HAVCR2: variants seen among roughly 807,000 people sequenced by gnomAD.
HAVCR2 encodes the protein T cell immunoglobulin mucin 3.
HAVCR2 carries 13 observed loss-of-function variants against 24.7 expected under a neutral mutation model. That is an observed-to-expected ratio of 0.53 (90% confidence interval 0.34 to 0.84). The LOEUF (loss-of-function observed/expected upper bound fraction) is 0.84, where lower values mean the gene tolerates loss of function less well. Among genes scored for constraint, HAVCR2 ranks in the 40% least tolerant of loss-of-function variants. The pLI, the probability that HAVCR2 is intolerant of heterozygous loss-of-function variation, is 0.01. For missense variants in HAVCR2, 343 were observed against 371.2 expected (o/e 0.92, Z 0.62); for synonymous variants, 154 against 143.4 (o/e 1.07, Z -0.53).
intron 5 of HAVCR2, among the ~76,000 whole-genome samples, chr5:157,092,316 G>C (rs1367591693): frequency 3.3e-5 from 5 of 152,008 alleles, no homozygotes; most frequent in Admixed American, 3.3e-4. Context: ...CTCAAGTGAG[G>C]CTAAGTGCAA....
intron 6 of HAVCR2, 39 bp downstream of exon 6, chr5:157,088,902 G>T: frequency 1.3e-6 from 2 of 1,572,416 alleles, no homozygotes; most frequent in Non-Finnish European, 1.7e-6. Flanking sequence ...GGACTTCCAA[G>T]ATTCTCACCT....
chr5:157,092,878 CAAA>C (rs556443053), intron 5 of HAVCR2, among the ~76,000 whole-genome samples: 1 of 44,038 alleles, frequency 2.3e-5, no homozygotes, highest in African/African-American at 8.2e-5. Context: ...CTGTCTCTAC[CAAA>C]AAAAAAAAAA....
Position 157,088,931 on chromosome 5 carries a change from T to G in HAVCR2, c.713+10A>C. ...CTCACCTTTTCCCAACCCCATTCCA[T>G]TATTCTTACCTTAAATTCTGTATCT... On this transcript the variant is annotated intron_variant, in intron 6 of 6. Transcript: ENST00000307851. The G allele has an allele frequency of 6.2e-7, 1 of 1,608,278 alleles. No individual in the cohort carries two copies. Among genetic ancestry groups the G allele is most frequent in the South Asian group, 1.1e-5 (1 of 90,364 alleles).
At chr5:157,099,578 T>C (rs1757141796) in intron 3 of HAVCR2, among the ~76,000 whole-genome samples, 1 of 151,652 alleles carries the variant, frequency 6.6e-6, no homozygotes. Flanking sequence ...AATTAGATTT[T>C]AAAAGACAAC....
chr5:157,088,807 C>G, intron 6 of HAVCR2, 134 bp downstream of exon 6: 1 of 755,652 alleles, frequency 1.3e-6, no homozygotes, highest in Non-Finnish European at 2.3e-6. Flanking sequence ...CATAACTAGA[C>G]CTAGAGAAAG....
chr5:157,104,820 G>A lies in HAVCR2; in HGVS notation c.395-71C>T, dbSNP rs1757222527. 6.3e-6 allele frequency: 7 copies of A among 1,110,224 alleles called. No homozygotes were observed. In the Admixed American group the frequency reaches 6.8e-5, roughly 11 times the overall value. 68.8% of individuals were successfully genotyped at this position (1,110,224 alleles called of 1,614,324 possible). A position where few individuals can be genotyped will look rare whatever the true frequency, so the allele number is the denominator to read the frequency against. ...AAGCTTATTTCAGGGAATCAAAGGG[G>A]CAGCAAGAAAAAAATGCGAAAGACA... is the stretch of plus-strand genomic sequence containing the variant. On this transcript the variant is annotated intron_variant, in intron 2 of 6. Transcript: ENST00000307851.
intron 2 of HAVCR2, 27 bp downstream of exon 2, chr5:157,106,600 A>G: frequency 6.5e-7 from 1 of 1,547,256 alleles, no homozygotes; most frequent in Non-Finnish European, 8.9e-7. Flanking sequence ...TCTTATTCAT[A>G]AAGATGGCAT....
At position 157,089,020 on chromosome 5, in the gene HAVCR2, A is replaced by G. The variant is rs767809450; in HGVS notation, c.677-43T>C. ...AAAGCCAATAAAAATGCATTCATAA[A>G]ATAAATGAGACAAGAAATCAAATAG... On this transcript the variant is annotated intron_variant, in intron 5 of 6. Coordinates refer to ENST00000307851, the MANE Select transcript of HAVCR2 (RefSeq NM_032782.5). 20 of 1,541,868 alleles carry G rather than the reference A, an allele frequency of 1.3e-5. No individual in the cohort carries two copies. The South Asian group carries it at 1.9e-4, about 14-fold the overall frequency.
intron 3 of HAVCR2, among the ~76,000 whole-genome samples, chr5:157,103,387 A>G (rs955403918): frequency 5.3e-5 from 8 of 151,840 alleles, no homozygotes; most frequent in African/African-American, 1.7e-4. Context: ...AAAAAAAAAA[A>G]AAAGTACTGA....
intron 5 of HAVCR2, among the ~76,000 whole-genome samples, chr5:157,092,865 A>C: frequency 7.5e-6 from 1 of 132,960 alleles, no homozygotes; most frequent in Admixed American, 8.2e-5. Context: ...ACATGGCAAA[A>C]CCCTGTCTCT....
rs184566586 is a variant in HAVCR2, at chr5:157,088,847, C to T, written c.713+94G>A. ...AAGTATAAACTCAGATCTCAAAGCC[C>T]CAGGACAGGATTTCTCAGAGAAAAG... On this transcript the variant is annotated intron_variant, in intron 6 of 6. Coordinates refer to ENST00000307851, the MANE Select transcript of HAVCR2 (RefSeq NM_032782.5). 264 of 1,097,312 alleles carry T rather than the reference C, an allele frequency of 2.4e-4. 1 individual carries two copies. In the African/African-American group the frequency reaches 3.8e-3, roughly 16 times the overall value. The allele number at this position is 1,097,312 out of a possible 1,614,324, so 68.0% of individuals were successfully genotyped here. A position where few individuals can be genotyped will look rare whatever the true frequency, so the allele number is the denominator to read the frequency against.
At chr5:157,104,213 T>C (rs1305115349) in intron 3 of HAVCR2, among the ~76,000 whole-genome samples, 2 of 152,206 alleles carry the variant, frequency 1.3e-5, no homozygotes, top group African/African-American at 4.8e-5. Flanking sequence ...AGAATTTAAC[T>C]ATTCTTTCTG....
rs771412436 is a variant in HAVCR2 at position 157,108,957 on chromosome 5, A to C, written c.27T>G (p.Cys9Trp). 1 of 1,614,214 alleles carries C rather than the reference A, an allele frequency of 6.2e-7. No individual in the cohort carries two copies. The highest frequency in any genetic ancestry group is 1.7e-5 in the Admixed American group (1 of 60,020). ...GTAGTAGCAGCAGCAGCAGCAGGAC[A>C]CAGTCAAAGGGAAGATGTGAAAACA... Reference protein sequence around the residue: MFSHLPFDCVLLLLLLLLT... With the variant: MFSHLPFDWVLLLLLLLLT... Residue 9 changes from cysteine (C) to tryptophan (W), a missense_variant, in exon 1 of 7, where the codon TGT (cysteine) becomes TGG (tryptophan). Transcript: ENST00000307851.
chr5:157,106,690 G>T lies in HAVCR2; in HGVS notation c.331C>A (p.Arg111=), dbSNP rs145478313. 3 of 1,614,152 alleles carry T rather than the reference G, an allele frequency of 1.9e-6. No homozygotes were observed. The highest frequency in any genetic ancestry group is 1.1e-5 in the South Asian group (1 of 91,088). ...TLADSGIYCC[R]IQIPGIMNDE... ...TTCATTATGCCTGGGATTTGGATCCGGCAGCAGTAGATCCCACTGTCTGCT... is the reference window on the plus strand; with the variant it reads ...TTCATTATGCCTGGGATTTGGATCCTGCAGCAGTAGATCCCACTGTCTGCT... The change falls in exon 2 of 7, where the codon CGG becomes AGG. Residue 111 remains arginine, a synonymous_variant. Transcript: ENST00000307851.
intron 6 of HAVCR2, among the ~76,000 whole-genome samples, chr5:157,088,048 C>T (rs1314365051): frequency 6.6e-6 from 1 of 152,174 alleles, no homozygotes; most frequent in Non-Finnish European, 1.5e-5. Flanking sequence ...GCCTTCATCT[C>T]CTGTGCTCCA....
At chr5:157,092,139 TA>T (rs1239018140) in intron 5 of HAVCR2, among the ~76,000 whole-genome samples, 7 of 162 alleles carry the variant, frequency 0.043, no homozygotes, top group South Asian at 0.5. Flanking sequence ...ATGGTCATAT[TA>T]TATATATATA....
At chr5:157,100,284 C>A (rs1333114865) in intron 3 of HAVCR2, among the ~76,000 whole-genome samples, 1 of 152,190 alleles carries the variant, frequency 6.6e-6, no homozygotes, top group African/African-American at 2.4e-5. Flanking sequence ...GACAAAATGG[C>A]CTTCCAATTT....
intron 5 of HAVCR2, among the ~76,000 whole-genome samples, chr5:157,092,648 G>A (rs7705706): frequency 0.24 from 35,754 of 151,348 alleles, 4,824 homozygotes; most frequent in East Asian, 0.44. Flanking sequence ...GTTTCTCCAC[G>A]TTGGTCAGGC....
chr5:157,098,131 G>T (rs1757119028), intron 4 of HAVCR2, among the ~76,000 whole-genome samples: 1 of 152,036 alleles, frequency 6.6e-6, no homozygotes, highest in South Asian at 2.1e-4. Flanking sequence ...ATTAGGCCAG[G>T]TGCCATGGCT....
Sources: allele counts gnomAD v4.1 joint callset (sites outside exome capture counted in the v4.1 genomes callset), GRCh38; gene constraint gnomAD v4.1.1; transcripts MANE v1.5; gene names NCBI Gene and HGNC (gene_info 2026-07-23, HGNC 2026-07-21).